The following CRIM1 variants were observed in gnomAD, a reference collection of about 807,000 sequenced individuals.
CRIM1 encodes the protein cysteine rich transmembrane BMP regulator 1.
In CRIM1, 32 loss-of-function variants were observed where a neutral mutation model predicts 116.4. The observed-to-expected ratio is 0.27, with a 90% CI of 0.21 to 0.37. CRIM1 has a LOEUF of 0.37. Among genes scored for constraint, CRIM1 ranks in the 10% least tolerant of loss-of-function variants. The probability of loss-of-function intolerance (pLI) is 1.00; values close to 1 mark genes in which losing one functional copy is unlikely to be tolerated. For missense variants in CRIM1, 1,331 were observed against 1,354.8 expected (o/e 0.98, Z 0.28); for synonymous variants, 590 against 509.2 (o/e 1.16, Z -2.13).
chr2:36,544,152 TAGAGA>T (rs1392175049), intron 14 of CRIM1, among the ~76,000 whole-genome samples: 1 of 152,100 alleles, frequency 6.6e-6, no homozygotes, highest in Non-Finnish European at 1.5e-5. Context: ...CCTGGTGGAG[TAGAGA>T]ATTCTTTCAT....
At position 36,478,548 on chromosome 2, in the gene CRIM1, C is replaced by T. The variant is rs376461250; in HGVS notation, c.1175-949C>T. ...TCTTCTCTTGCTCAGGTCCATTGGC[C>T]GCCTCCCTCTCTGGCAGACTGCCTT... is the stretch of plus-strand genomic sequence containing the variant. On this transcript the variant is annotated intron_variant, in intron 6 of 16. Transcript: ENST00000280527. Among the ~76,000 whole-genome samples the T allele has an allele frequency of 2.6e-5, 4 of 152,210 alleles. No homozygotes were observed. In the South Asian group the frequency reaches 6.2e-4, roughly 24 times the overall value.
chr2:36,456,732 C>T (rs949927634), intron 4 of CRIM1, among the ~76,000 whole-genome samples: 4 of 152,128 alleles, frequency 2.6e-5, no homozygotes, highest in African/African-American at 7.2e-5. Context: ...AACAGGGGCA[C>T]GGGCCCTGCG....
At chr2:36,424,513 A>C (rs530142440) in intron 2 of CRIM1, among the ~76,000 whole-genome samples, 1 of 152,314 alleles carries the variant, frequency 6.6e-6, no homozygotes, top group South Asian at 2.1e-4. Flanking sequence ...GAGGCAGATA[A>C]GGCCATGGTA....
At chr2:36,460,808 C>A (rs543830572) in intron 4 of CRIM1, among the ~76,000 whole-genome samples, 1 of 152,258 alleles carries the variant, frequency 6.6e-6, no homozygotes, top group South Asian at 2.1e-4. Flanking sequence ...CCTCAAGTTA[C>A]CACAAAATAG....
chr2:36,388,783 ACAT>A (rs1671361567), intron 1 of CRIM1, among the ~76,000 whole-genome samples: 1 of 152,078 alleles, frequency 6.6e-6, no homozygotes, highest in Non-Finnish European at 1.5e-5. Flanking sequence ...GAAACATGAA[ACAT>A]GAAACTGGTG....
rs1667551847 is a variant in CRIM1, at chr2:36,548,941, A to G, written c.*240A>G. 1.0e-5 allele frequency: 3 copies of G among 294,396 alleles called. No individual in the cohort carries two copies. Among genetic ancestry groups the G allele is most frequent in the Non-Finnish European group, 1.9e-5 (3 of 159,028 alleles). The allele number at this position is 294,396 out of a possible 1,614,324, so 18.2% of individuals were successfully genotyped here. A position where few individuals can be genotyped will look rare whatever the true frequency, so the allele number is the denominator to read the frequency against. On this transcript the variant is annotated 3_prime_UTR_variant, in exon 17 of 17. Coordinates refer to ENST00000280527, the MANE Select transcript of CRIM1 (RefSeq NM_016441.3). Reference sequence around the variant, plus strand: ...AACCAAAGTTTTTAAAGTTGCTAAGATATATTTGCCTGTAAGATAGCTGTA... The same window carrying G: ...AACCAAAGTTTTTAAAGTTGCTAAGGTATATTTGCCTGTAAGATAGCTGTA...
At chr2:36,483,795 C>T (rs925721717) in intron 7 of CRIM1, among the ~76,000 whole-genome samples, 4 of 152,184 alleles carry the variant, frequency 2.6e-5, no homozygotes, top group African/African-American at 7.2e-5. Context: ...CAACCAGACC[C>T]TTCATACAGA....
intron 1 of CRIM1, among the ~76,000 whole-genome samples, chr2:36,393,242 G>T (rs578123500): frequency 2.7e-4 from 41 of 152,254 alleles, no homozygotes; most frequent in Non-Finnish European, 4.7e-4. Flanking sequence ...AATGTGCCCA[G>T]TATTCCAAGC....
rs146633101 is a variant in CRIM1 at position 36,517,045 on chromosome 2, G to T, written c.1991-282G>T. ...GAAGAGGCCCCTGTTCTCATCTCTA[G>T]AGTGGGAGTCCCCTCCCTGTAATTT... On this transcript the variant is annotated intron_variant, in intron 11 of 16. Transcript: ENST00000280527. Among the ~76,000 whole-genome samples the T allele has an allele frequency of 1.5e-3, 229 of 152,284 alleles. 1 individual carries two copies. Among genetic ancestry groups the T allele is most frequent in the African/African-American group, 5.2e-3 (218 of 41,572 alleles).
intron 2 of CRIM1, among the ~76,000 whole-genome samples, chr2:36,404,442 A>G (rs1259359881): frequency 6.6e-6 from 1 of 152,226 alleles, no homozygotes; most frequent in East Asian, 1.9e-4. Flanking sequence ...AGACTCTTTC[A>G]GTCCAGAAGG....
At chr2:36,377,347 C>T (rs1410383277) in intron 1 of CRIM1, among the ~76,000 whole-genome samples, 1 of 152,174 alleles carries the variant, frequency 6.6e-6, no homozygotes, top group African/African-American at 2.4e-5. Flanking sequence ...GAAAACCTGC[C>T]CAGTAGAAAT....
intron 16 of CRIM1, 52 bp from the exon 17 acceptor site, chr2:36,548,473 T>A (rs1448002731): frequency 2.9e-6 from 4 of 1,388,794 alleles, no homozygotes; most frequent in Non-Finnish European, 3.9e-6. Flanking sequence ...TCATTTGAGA[T>A]AATGTAAAGC....
At chr2:36,459,884 C>A (rs1292752099) in intron 4 of CRIM1, among the ~76,000 whole-genome samples, 1 of 152,110 alleles carries the variant, frequency 6.6e-6, no homozygotes, top group Non-Finnish European at 1.5e-5. Context: ...CAAGCTATGC[C>A]CAGGAGCTCG....
At chr2:36,507,804 C>T (rs1320872017) in intron 8 of CRIM1, among the ~76,000 whole-genome samples, 1 of 152,190 alleles carries the variant, frequency 6.6e-6, no homozygotes, top group Non-Finnish European at 1.5e-5. Flanking sequence ...CATTCAAGAT[C>T]AAGGTCTGTG....
intron 1 of CRIM1, among the ~76,000 whole-genome samples, chr2:36,372,890 TAATGAACAGTGGC>T (rs1407372957): frequency 6.6e-6 from 1 of 152,190 alleles, no homozygotes; most frequent in Non-Finnish European, 1.5e-5. Flanking sequence ...TGGTTGTCCA[TAATGAACAGTGGC>T]AATGAACAGT....
At chr2:36,377,193 C>T (rs1014611885) in intron 1 of CRIM1, among the ~76,000 whole-genome samples, 1 of 152,230 alleles carries the variant, frequency 6.6e-6, no homozygotes, top group African/African-American at 2.4e-5. Flanking sequence ...GCGCTGGTCT[C>T]ACTCCAGTGC....
At chr2:36,501,579 A>G (rs1328471630) in intron 8 of CRIM1, among the ~76,000 whole-genome samples, 1 of 152,112 alleles carries the variant, frequency 6.6e-6, no homozygotes, top group African/African-American at 2.4e-5. Flanking sequence ...AAAGCTAGCC[A>G]GGCATGATAG....
Position 36,548,842 on chromosome 2 carries a change from G to A in CRIM1, c.*141G>A. Reference sequence around the variant, plus strand: ...ACAGCGCTAAGACCTTACTGGGATGGGCTCTGTCTACAGCAATGTGCAGAA... The same window carrying A: ...ACAGCGCTAAGACCTTACTGGGATGAGCTCTGTCTACAGCAATGTGCAGAA... On this transcript the variant is annotated 3_prime_UTR_variant, in exon 17 of 17. Coordinates refer to ENST00000280527, the MANE Select transcript of CRIM1 (RefSeq NM_016441.3). The A allele has an allele frequency of 1.6e-6, 1 of 613,172 alleles. No individual in the cohort carries two copies. Among genetic ancestry groups the A allele is most frequent in the Non-Finnish European group, 2.7e-6 (1 of 366,652 alleles). 38.0% of individuals were successfully genotyped at this position (613,172 alleles called of 1,614,324 possible).
In CRIM1 at chr2:36,537,442, G is replaced by A. The variant is rs1404272484; in HGVS notation, c.2519G>A (p.Cys840Tyr). Residue 840 changes from cysteine (C) to tyrosine (Y), a missense_variant, in exon 14 of 17, where the codon TGC becomes TAC. Transcript: ENST00000280527. ...ERWDLDSCTH[C>Y]YCLQGQTLCS... ...TGGGACCTTGACAGCTGCACCCACT[G>A]CTACTGCCTGCAGGGCCAGACCCTC... The A allele has an allele frequency of 6.2e-7, 1 of 1,614,088 alleles. No homozygotes were observed. The highest frequency in any genetic ancestry group is 8.5e-7 in the Non-Finnish European group (1 of 1,180,038).
Sources: allele counts gnomAD v4.1 joint callset (sites outside exome capture counted in the v4.1 genomes callset), GRCh38; gene constraint gnomAD v4.1.1; transcripts MANE v1.5; gene names NCBI Gene and HGNC (gene_info 2026-07-23, HGNC 2026-07-21).